The following ANKS1B variants were observed in gnomAD, a reference collection of about 807,000 sequenced individuals.
ANKS1B encodes the protein ankyrin repeat and sterile alpha motif domain containing 1B.
ANKS1B carries 36 observed loss-of-function variants against 148.3 expected under a neutral mutation model. The ratio of observed to expected loss-of-function variants is 0.24; its 90% confidence interval spans 0.19 to 0.32. The LOEUF is 0.32. ANKS1B is among the 10% of genes least tolerant of loss of function. The probability of loss-of-function intolerance (pLI) is 1.00; values close to 1 mark genes in which losing one functional copy is unlikely to be tolerated. For missense variants in ANKS1B, 1,157 were observed against 1,542.6 expected (o/e 0.75, Z 4.19); for synonymous variants, 542 against 560.8 (o/e 0.97, Z 0.47).
intron 12 of ANKS1B, among the ~76,000 whole-genome samples, chr12:99,374,076 T>C (rs942025815): frequency 6.6e-6 from 1 of 152,206 alleles, no homozygotes; most frequent in African/African-American, 2.4e-5. Flanking sequence ...CTGATCTAGC[T>C]TAGGTTGTTT....
At chr12:99,466,775 G>A (rs1049866259) in intron 10 of ANKS1B, among the ~76,000 whole-genome samples, 4 of 151,636 alleles carry the variant, frequency 2.6e-5, no homozygotes, top group African/African-American at 9.7e-5. Context: ...AATAACAGGA[G>A]CTGAAATTGT....
intron 19 of ANKS1B, among the ~76,000 whole-genome samples, chr12:98,813,507 G>C (rs2099114695): frequency 6.6e-6 from 1 of 150,904 alleles, no homozygotes; most frequent in Non-Finnish European, 1.5e-5. Flanking sequence ...GTGAGCCACT[G>C]TGCCCAGTCT....
intron 9 of ANKS1B, among the ~76,000 whole-genome samples, chr12:99,645,883 C>A (rs186215323): frequency 1.1e-3 from 170 of 152,276 alleles, no homozygotes; most frequent in African/African-American, 3.8e-3. Flanking sequence ...AGTCTACTGA[C>A]TGGTGTGGAA....
In ANKS1B at chr12:99,179,377, C is replaced by T. The variant is rs568022586; in HGVS notation, c.2420-24982G>A. Among the ~76,000 whole-genome samples, 14 of 142,082 alleles carry T rather than the reference C, an allele frequency of 9.9e-5. No individual in the cohort carries two copies. In the East Asian group the frequency reaches 2.7e-3, roughly 27 times the overall value. The allele number at this position is 142,082 out of a possible 152,430, so 93.2% of individuals were successfully genotyped here. A position where few individuals can be genotyped will look rare whatever the true frequency, so the allele number is the denominator to read the frequency against. ...CCAGGAGATGGAGCTTGCAGTGAGCCGAAATGGCACCACTGCACTCCGGCC... is the reference window on the plus strand; with the variant it reads ...CCAGGAGATGGAGCTTGCAGTGAGCTGAAATGGCACCACTGCACTCCGGCC... On this transcript the variant is annotated intron_variant, in intron 14 of 26. Transcript: ENST00000683438.
At chr12:99,366,339 A>G (rs781034036) in intron 12 of ANKS1B, among the ~76,000 whole-genome samples, 8 of 152,112 alleles carry the variant, frequency 5.3e-5, no homozygotes, top group Non-Finnish European at 1.0e-4. Flanking sequence ...TCTCAGCCTC[A>G]GGACACTAAT....
chr12:99,265,554 G>A (rs1208986581), intron 12 of ANKS1B, among the ~76,000 whole-genome samples: 1 of 152,118 alleles, frequency 6.6e-6, no homozygotes, highest in African/African-American at 2.4e-5. Flanking sequence ...GTTAGGAGAG[G>A]ATCAGAACTA....
intron 8 of ANKS1B, among the ~76,000 whole-genome samples, chr12:99,675,065 T>C (rs1232372492): frequency 1.3e-5 from 2 of 151,968 alleles, no homozygotes. Flanking sequence ...GATAACATGT[T>C]TTATCAATCA....
intron 8 of ANKS1B, among the ~76,000 whole-genome samples, chr12:99,715,900 G>A (rs745367817): frequency 2.6e-5 from 4 of 152,006 alleles, no homozygotes; most frequent in Admixed American, 6.6e-5. Context: ...CATTTTATCC[G>A]TGGACCCAAA....
At chr12:99,172,211 G>A (rs2077847642) in intron 14 of ANKS1B, among the ~76,000 whole-genome samples, 2 of 152,100 alleles carry the variant, frequency 1.3e-5, no homozygotes, top group South Asian at 4.1e-4. Context: ...GTATGAGGAG[G>A]GAAATCTGCA....
At chr12:99,143,233 C>T (rs2071627133) in intron 15 of ANKS1B, among the ~76,000 whole-genome samples, 1 of 152,062 alleles carries the variant, frequency 6.6e-6, no homozygotes, top group Non-Finnish European at 1.5e-5. Context: ...AAATCTAATT[C>T]TATGGACTCA....
intron 15 of ANKS1B, among the ~76,000 whole-genome samples, chr12:99,112,308 T>C (rs1389257593): frequency 2.6e-5 from 4 of 152,148 alleles, no homozygotes; most frequent in Admixed American, 2.6e-4. Flanking sequence ...TAAAATAATG[T>C]AAATGTATCT....
At chr12:99,122,155 T>C (rs2063066441) in intron 15 of ANKS1B, among the ~76,000 whole-genome samples, 1 of 152,126 alleles carries the variant, frequency 6.6e-6, no homozygotes, top group South Asian at 2.1e-4. Context: ...ATGATCGATT[T>C]TGTGAAAATG....
intron 15 of ANKS1B, among the ~76,000 whole-genome samples, chr12:99,106,264 A>G (rs927477483): frequency 6.6e-6 from 1 of 152,250 alleles, no homozygotes; most frequent in Non-Finnish European, 1.5e-5. Context: ...CAGCATCATC[A>G]GCCGACATCA....
chr12:98,768,733 CAAAAAA>C (rs36034629), intron 25 of ANKS1B, among the ~76,000 whole-genome samples: 1 of 80,610 alleles, frequency 1.2e-5, no homozygotes, highest in Non-Finnish European at 2.5e-5. Flanking sequence ...GACTCCATCT[CAAAAAA>C]AAAAAAAAAA....
At chr12:99,803,649 A>G (rs933378663) in intron 4 of ANKS1B, among the ~76,000 whole-genome samples, 2 of 152,236 alleles carry the variant, frequency 1.3e-5, no homozygotes, top group Non-Finnish European at 2.9e-5. Context: ...ATGATATAAA[A>G]TGGTAGAATG....
At chr12:99,931,266 C>T (rs2094607257) in intron 1 of ANKS1B, among the ~76,000 whole-genome samples, 1 of 152,016 alleles carries the variant, frequency 6.6e-6, no homozygotes, top group South Asian at 2.1e-4. Context: ...GGTTGCAGCA[C>T]ACCAACGTGG....
At chr12:98,799,050 A>T in intron 21 of ANKS1B, 45 bp from the exon 22 acceptor site, 1 of 1,357,892 alleles carries the variant, frequency 7.4e-7, no homozygotes, top group Non-Finnish European at 1.0e-6. Context: ...TGGAATATAC[A>T]TATGAGTAAT....
intron 17 of ANKS1B, among the ~76,000 whole-genome samples, chr12:98,867,554 A>C (rs2099630900): frequency 6.6e-6 from 1 of 152,176 alleles, no homozygotes; most frequent in African/African-American, 2.4e-5. Flanking sequence ...AGAACAAATT[A>C]TGTCTTTTAG....
chr12:99,901,386 G>A (rs534928361), intron 1 of ANKS1B, among the ~76,000 whole-genome samples: 49 of 152,246 alleles, frequency 3.2e-4, no homozygotes, highest in African/African-American at 1.1e-3. Flanking sequence ...CCACAATTTC[G>A]TTTCAAATTT....
Sources: gnomAD v4.1 joint callset for allele counts (sites outside exome capture counted in the v4.1 genomes callset) on GRCh38, gnomAD v4.1.1 for gene constraint, MANE v1.5 for transcripts, NCBI Gene and HGNC (gene_info 2026-07-23, HGNC 2026-07-21) for gene names.